Variants in PTPRD observed in about 807,000 individuals in gnomAD.
The protein encoded by PTPRD is protein tyrosine phosphatase receptor type D.
In PTPRD, 34 loss-of-function variants were observed where a neutral mutation model predicts 214.5. The ratio of observed to expected loss-of-function variants is 0.16; its 90% CI spans 0.12 to 0.21. The LOEUF (loss-of-function observed/expected upper bound fraction) is 0.21. Among genes scored for constraint, PTPRD ranks in the 10% least tolerant of loss-of-function variants. The pLI, the probability that PTPRD is intolerant of heterozygous loss-of-function variation, is 1.00. For missense variants in PTPRD, 2,545 were observed against 2,398.7 expected, an observed-to-expected ratio of 1.06 and a Z score of -1.27; for synonymous variants, 1,128 against 845.7, an observed-to-expected ratio of 1.33 and a Z score of -5.79.
At chr9:8,890,055 G>A (rs2098525426) in intron 11 of PTPRD, among the ~76,000 whole-genome samples, 1 of 152,272 alleles carries the variant, frequency 6.6e-6, no homozygotes, top group East Asian at 1.9e-4. Context: ...CATAGTGGTT[G>A]TACTAGTTTG....
At chr9:10,166,680 G>T (rs2099161185) in intron 3 of PTPRD, among the ~76,000 whole-genome samples, 1 of 151,942 alleles carries the variant, frequency 6.6e-6, no homozygotes. Context: ...AAACAAAATT[G>T]TTCTTCTTCC....
intron 9 of PTPRD, among the ~76,000 whole-genome samples, chr9:9,229,035 G>A (rs756216106): frequency 2.0e-5 from 3 of 152,058 alleles, no homozygotes; most frequent in African/African-American, 4.8e-5. Flanking sequence ...TAATTTTAAT[G>A]TGGGTCATTA....
At chr9:8,595,448 T>G (rs542925929) in intron 14 of PTPRD, among the ~76,000 whole-genome samples, 4 of 152,082 alleles carry the variant, frequency 2.6e-5, no homozygotes, top group African/African-American at 7.2e-5. Context: ...GGAAAAAAAT[T>G]AGTACTGCTT....
chr9:8,521,670 A>G, intron 19 of PTPRD, 124 bp from the exon 20 acceptor site: 1 of 1,111,710 alleles, frequency 9.0e-7, no homozygotes, highest in Non-Finnish European at 1.3e-6. Context: ...GTCCAAAAAC[A>G]AAACATAAAG....
At chr9:10,086,238 C>A (rs1398645085) in intron 3 of PTPRD, among the ~76,000 whole-genome samples, 1 of 151,738 alleles carries the variant, frequency 6.6e-6, no homozygotes, top group African/African-American at 2.4e-5. Context: ...GACTTATTTG[C>A]AATTTTAGAT....
At chr9:9,588,733 A>T (rs961757413) in intron 7 of PTPRD, among the ~76,000 whole-genome samples, 1 of 152,002 alleles carries the variant, frequency 6.6e-6, no homozygotes, top group Non-Finnish European at 1.5e-5. Context: ...GTGAAAAGAC[A>T]AATGAAATGT....
At position 8,632,274 on chromosome 9, in the gene PTPRD, C is replaced by G. The variant is rs142541647; in HGVS notation, c.352+1043G>C. ...TAGGGCTTACCTCCTTGAAAGAAAC[C>G]AAGATGTTTATCAAATCAAACTTTT... On this transcript the variant is annotated intron_variant, in intron 14 of 45. Coordinates refer to ENST00000381196, the MANE Select transcript of PTPRD (RefSeq NM_002839.4). 2.1e-3 allele frequency among the ~76,000 whole-genome samples: 314 copies of G among 151,710 alleles called. 4 individuals carry two copies. The highest frequency in any genetic ancestry group is 7.2e-3 in the African/African-American group (299 of 41,382).
Position 10,374,711 on chromosome 9 carries a change from T to A in PTPRD, c.-599-33694A>T, listed in dbSNP as rs141917842. Among the ~76,000 whole-genome samples the A allele has an allele frequency of 5.0e-3, 756 of 152,182 alleles. 14 individuals are homozygous for A. The highest frequency in any genetic ancestry group is 0.013 in the South Asian group (63 of 4,818). The stretch of plus-strand genomic sequence containing the variant: ...ACATTTGCTAGCTCCATGTTCTCTA[T>A]GATTGGAAAGGACCCACTTGATTAG... On this transcript the variant is annotated intron_variant, in intron 2 of 45. Coordinates refer to ENST00000381196, the MANE Select transcript of PTPRD (RefSeq NM_002839.4).
At chr9:9,738,607 A>G (rs2098343277) in intron 6 of PTPRD, among the ~76,000 whole-genome samples, 1 of 151,322 alleles carries the variant, frequency 6.6e-6, no homozygotes, top group African/African-American at 2.4e-5. Context: ...ACGCCTGACT[A>G]ATTTTTGTAT....
chr9:8,420,842 T>C (rs1271459235), intron 35 of PTPRD, among the ~76,000 whole-genome samples: 2 of 150,052 alleles, frequency 1.3e-5, no homozygotes, highest in Non-Finnish European at 3.0e-5. Context: ...ATAAAGACAC[T>C]GAGAGCGTAG....
intron 11 of PTPRD, among the ~76,000 whole-genome samples, chr9:9,013,453 T>G (rs1251619050): frequency 6.6e-6 from 1 of 152,284 alleles, no homozygotes; most frequent in East Asian, 1.9e-4. Flanking sequence ...TACTTCTATG[T>G]TTGGTAACAG....
intron 3 of PTPRD, among the ~76,000 whole-genome samples, chr9:10,335,030 T>C (rs1565366831): frequency 1.3e-5 from 2 of 151,682 alleles, no homozygotes; most frequent in African/African-American, 2.4e-5. Context: ...AATCTAAATA[T>C]GTAATGCAAT....
intron 11 of PTPRD, among the ~76,000 whole-genome samples, chr9:8,790,626 A>T (rs2154507029): frequency 6.6e-6 from 1 of 152,276 alleles, no homozygotes; most frequent in South Asian, 2.1e-4. Flanking sequence ...TGATAAATTA[A>T]TACTTGTTAA....
chr9:9,434,628 A>G (rs2084485415), intron 8 of PTPRD, among the ~76,000 whole-genome samples: 1 of 152,094 alleles, frequency 6.6e-6, no homozygotes, highest in Non-Finnish European at 1.5e-5. Flanking sequence ...AAAATATACT[A>G]TACAGATAGA....
chr9:10,435,151 G>T (rs1225674962), intron 2 of PTPRD, among the ~76,000 whole-genome samples: 1 of 151,838 alleles, frequency 6.6e-6, no homozygotes, highest in African/African-American at 2.4e-5. Context: ...ATGCAAGTTG[G>T]CACTATTTGA....
chr9:8,461,832 T>C (rs1357543313), intron 32 of PTPRD, among the ~76,000 whole-genome samples: 3 of 151,954 alleles, frequency 2.0e-5, no homozygotes, highest in African/African-American at 7.3e-5. Flanking sequence ...ATTTTTTTTA[T>C]AGAGATGGGG....
chr9:8,397,122 A>T (rs1248490737), intron 36 of PTPRD, among the ~76,000 whole-genome samples: 2 of 152,168 alleles, frequency 1.3e-5, no homozygotes, highest in East Asian at 1.9e-4. Context: ...TATTGTTTTT[A>T]AATGAGTTTT....
At chr9:10,124,561 T>C (rs999690915) in intron 3 of PTPRD, among the ~76,000 whole-genome samples, 1 of 152,218 alleles carries the variant, frequency 6.6e-6, no homozygotes, top group Non-Finnish European at 1.5e-5. Flanking sequence ...TCTTAGCCCT[T>C]CCTTAGACCT....
chr9:9,200,284 G>A (rs2099941100), intron 9 of PTPRD, among the ~76,000 whole-genome samples: 2 of 152,190 alleles, frequency 1.3e-5, no homozygotes, highest in South Asian at 4.1e-4. Flanking sequence ...TGGACTTTTT[G>A]TTATGTGAGA....
Sources: gnomAD v4.1 joint callset for allele counts (sites outside exome capture counted in the v4.1 genomes callset) on GRCh38, gnomAD v4.1.1 for gene constraint, MANE v1.5 for transcripts, NCBI Gene and HGNC (gene_info 2026-07-23, HGNC 2026-07-21) for gene names.